Variants in LRRC7 observed in about 807,000 individuals in gnomAD.
LRRC7 encodes leucine-rich repeat-containing protein 7.
Under a neutral mutation model 175.7 loss-of-function variants are expected in LRRC7, and 23 were observed. The observed-to-expected ratio is 0.13, with a 90% confidence interval of 0.09 to 0.19. The LOEUF (loss-of-function observed/expected upper bound fraction) is 0.19, where lower values mean the gene tolerates loss of function less well. Ranked by LOEUF, LRRC7 falls within the 10% of genes least tolerant of loss-of-function variation. The pLI, the probability that LRRC7 is intolerant of heterozygous loss-of-function variation, is 1.00. For missense variants in LRRC7, 1,354 were observed against 1,904.7 expected (o/e 0.71, Z 5.38); for synonymous variants, 685 against 680.9 (o/e 1.01, Z -0.09).
intron 8 of LRRC7, among the ~76,000 whole-genome samples, chr1:69,960,479 T>A (rs2101842344): frequency 6.6e-6 from 1 of 152,282 alleles, no homozygotes; most frequent in South Asian, 2.1e-4. Context: ...CTTCTCTATC[T>A]CCTTCAGTTT....
intron 1 of LRRC7, among the ~76,000 whole-genome samples, chr1:69,574,094 G>T (rs1268902041): frequency 1.3e-5 from 2 of 152,070 alleles, no homozygotes; most frequent in Admixed American, 1.3e-4. Context: ...TGGAACTCTA[G>T]GATACTTGTG....
chr1:69,616,430 T>A (rs1366743431), intron 1 of LRRC7, among the ~76,000 whole-genome samples: 1 of 152,100 alleles, frequency 6.6e-6, no homozygotes, highest in African/African-American at 2.4e-5. Context: ...AAAAGTATTC[T>A]ATAAGATAGC....
At chr1:69,834,615 C>T (rs1006698505) in intron 5 of LRRC7, among the ~76,000 whole-genome samples, 165 bp from the exon 6 acceptor site, 4 of 151,974 alleles carry the variant, frequency 2.6e-5, no homozygotes, top group Non-Finnish European at 5.9e-5. Flanking sequence ...GCAAAATTTT[C>T]GAACTGTAAC....
chr1:70,039,078 G>A lies in LRRC7; in HGVS notation c.3254G>A (p.Arg1085Lys), dbSNP rs776235344. Residue 1085 changes from arginine to lysine, a missense_variant, in exon 21 of 27, where the codon AGG becomes AAG. By Grantham distance (26) the Arg-to-Lys change is conservative (BLOSUM62 2). This residue lies in a region of LRRC7 where 1,032 missense variants were observed against 1,227.2 expected (regional missense o/e 0.84). Coordinates refer to ENST00000651989, the MANE Select transcript of LRRC7 (RefSeq NM_001370785.2). The part of the protein sequence containing the change: ...QGSVEVKAEK[R>K]IPPPFQHNPE... ...TCAGTGGAAGTGAAAGCCGAAAAGAGGATACCACCCCCTTTTCAACACAAT... is the reference window on the plus strand; with the variant it reads ...TCAGTGGAAGTGAAAGCCGAAAAGAAGATACCACCCCCTTTTCAACACAAT... The A allele has an allele frequency of 1.2e-6, 2 of 1,613,944 alleles. No homozygotes were observed. Among genetic ancestry groups the A allele is most frequent in the African/African-American group, 1.3e-5 (1 of 74,912 alleles).
rs1666382189 is a variant in LRRC7 at position 70,125,001 on chromosome 1, A to T, written c.*3114A>T. On this transcript the variant is annotated 3_prime_UTR_variant, in exon 27 of 27. Coordinates refer to ENST00000651989, the MANE Select transcript of LRRC7 (RefSeq NM_001370785.2). ...AATAGATATTAGTGGACAATTTTTA[A>T]AACTATTTACAAGGCTCATAATATT... is the stretch of plus-strand genomic sequence containing the variant. Among the ~76,000 whole-genome samples, 1 of 152,206 alleles carries T rather than the reference A, an allele frequency of 6.6e-6. No individual in the cohort carries two copies. Among genetic ancestry groups the T allele is most frequent in the Admixed American group, 6.5e-5 (1 of 15,268 alleles).
At chr1:69,910,929 C>T (rs1184842983) in intron 7 of LRRC7, among the ~76,000 whole-genome samples, 9 of 152,186 alleles carry the variant, frequency 5.9e-5, no homozygotes, top group Admixed American at 4.6e-4. Context: ...GCCTCGCTGC[C>T]GCCTTGCAGT....
intron 4 of LRRC7, among the ~76,000 whole-genome samples, chr1:69,807,329 C>G (rs2101121458): frequency 6.6e-6 from 1 of 152,044 alleles, no homozygotes; most frequent in South Asian, 2.1e-4. Flanking sequence ...TGTATTTGGT[C>G]CTGTCATTAT....
At chr1:69,646,070 T>C (rs947841500) in intron 1 of LRRC7, among the ~76,000 whole-genome samples, 1 of 152,132 alleles carries the variant, frequency 6.6e-6, no homozygotes, top group Non-Finnish European at 1.5e-5. Context: ...TAAAAAGATG[T>C]ACATAATGGC....
intron 3 of LRRC7, among the ~76,000 whole-genome samples, chr1:69,780,155 G>A (rs995513386): frequency 6.6e-6 from 1 of 152,162 alleles, no homozygotes; most frequent in Non-Finnish European, 1.5e-5. Context: ...AAGTCACTTC[G>A]TTGCATATGA....
intron 7 of LRRC7, among the ~76,000 whole-genome samples, chr1:69,875,378 T>C (rs1304465838): frequency 5.3e-5 from 8 of 152,022 alleles, no homozygotes; most frequent in Non-Finnish European, 8.8e-5. Context: ...ATGTGTAGCA[T>C]AAAGGAAACT....
At chr1:69,971,290 G>T (rs570496635) in intron 8 of LRRC7, among the ~76,000 whole-genome samples, 174 of 152,164 alleles carry the variant, frequency 1.1e-3, no homozygotes, top group African/African-American at 4.0e-3. Flanking sequence ...TCAGACAAGA[G>T]AAAGAAATAA....
intron 23 of LRRC7, among the ~76,000 whole-genome samples, chr1:70,074,187 A>G (rs1451263033): frequency 6.6e-6 from 1 of 151,722 alleles, no homozygotes; most frequent in Non-Finnish European, 1.5e-5. Flanking sequence ...GGGCAACAGA[A>G]AAAAGACTCC....
At chr1:69,974,229 A>T (rs966405137) in intron 8 of LRRC7, among the ~76,000 whole-genome samples, 6 of 152,166 alleles carry the variant, frequency 3.9e-5, no homozygotes, top group African/African-American at 1.4e-4. Flanking sequence ...TTTTAACAAC[A>T]TATTACTTTT....
At chr1:69,716,471 CAG>C (rs1435824508) in intron 2 of LRRC7, among the ~76,000 whole-genome samples, 1 of 151,832 alleles carries the variant, frequency 6.6e-6, no homozygotes, top group Non-Finnish European at 1.5e-5. Flanking sequence ...TATCCTCTCT[CAG>C]GTCTTATTTT....
chr1:69,678,260 G>A, intron 1 of LRRC7, 121 bp from the exon 2 acceptor site: 1 of 673,924 alleles, frequency 1.5e-6, no homozygotes, highest in Non-Finnish European at 2.6e-6. Context: ...CTCCTTGCCG[G>A]ATCATCTTCA....
chr1:69,824,239 AG>A (rs770484022), intron 4 of LRRC7, among the ~76,000 whole-genome samples: 1 of 152,154 alleles, frequency 6.6e-6, no homozygotes, highest in Non-Finnish European at 1.5e-5. Context: ...GAACAGAAAA[AG>A]CTAAACGGAG....
At chr1:69,722,831 T>C (rs1402826261) in intron 2 of LRRC7, among the ~76,000 whole-genome samples, 1 of 152,118 alleles carries the variant, frequency 6.6e-6, no homozygotes, top group Non-Finnish European at 1.5e-5. Flanking sequence ...CTACTCTTTG[T>C]ATGCAATATA....
intron 8 of LRRC7, among the ~76,000 whole-genome samples, chr1:69,972,397 A>G (rs1652329343): frequency 6.6e-6 from 1 of 152,250 alleles, no homozygotes; most frequent in African/African-American, 2.4e-5. Context: ...TGCAGAATCT[A>G]CAACAAACTC....
At chr1:69,838,176 A>C in intron 6 of LRRC7, 51 bp from the exon 7 acceptor site, 1 of 1,324,828 alleles carries the variant, frequency 7.5e-7, no homozygotes. Flanking sequence ...TTATTCAATA[A>C]TTTTTTAGAC....
Sources: allele counts gnomAD v4.1 joint callset (sites outside exome capture counted in the v4.1 genomes callset), GRCh38; gene constraint gnomAD v4.1.1; regional missense constraint gnomAD v4.1.1; transcripts MANE v1.5; gene names NCBI Gene and HGNC (gene_info 2026-07-23, HGNC 2026-07-21).